PIEZO2: variants seen among roughly 807,000 people sequenced by gnomAD.
PIEZO2 encodes the protein piezo type mechanosensitive ion channel component 2, also known as piezo-type mechanosensitive ion channel component 2.
PIEZO2 carries 172 observed loss-of-function variants against 337.3 expected under a neutral mutation model. The ratio of observed to expected loss-of-function variants is 0.51; its 90% CI spans 0.45 to 0.58. The LOEUF (loss-of-function observed/expected upper bound fraction) is 0.58. PIEZO2 is among the 20% of genes least tolerant of loss of function. The pLI is 0.00. For missense variants in PIEZO2, 3,028 were observed against 3,391.3 expected (o/e 0.89, Z 2.66); for synonymous variants, 1,251 against 1,228.5 (o/e 1.02, Z -0.38).
chr18:10,773,289 C>T lies in PIEZO2; in HGVS notation c.2785+123G>A, dbSNP rs2038666870. The stretch of plus-strand genomic sequence containing the variant: ...TATAACTATAGCAATCAAACAAAAA[C>T]CACTCCAATTTTTATGTCATGGACT... On this transcript the variant is annotated intron_variant, in intron 20 of 55. Coordinates refer to ENST00000674853, the MANE Select transcript of PIEZO2 (RefSeq NM_001378183.1). This position sits in a 1 kb window ranked among gnomAD's most constrained non-coding sequence, Gnocchi z 5.3. The T allele has an allele frequency of 1.0e-6, 1 of 997,680 alleles. No homozygotes were observed. The highest frequency in any genetic ancestry group is 1.5e-6 in the Non-Finnish European group (1 of 686,800). The allele number at this position is 997,680 out of a possible 1,614,324, so 61.8% of individuals were successfully genotyped here.
intron 7 of PIEZO2, among the ~76,000 whole-genome samples, chr18:10,810,698 CT>C (rs2040160945): frequency 6.6e-6 from 1 of 152,182 alleles, no homozygotes; most frequent in African/African-American, 2.4e-5. Flanking sequence ...TACCAGGAGG[CT>C]TTTCAGTAGC....
intron 2 of PIEZO2, among the ~76,000 whole-genome samples, chr18:11,014,755 A>G (rs12454371): frequency 0.35 from 42,211 of 120,486 alleles, 6,852 homozygotes; most frequent in Non-Finnish European, 0.38. Context: ...GTGGGACAGC[A>G]ATCCGGGGCC....
In PIEZO2 at chr18:10,804,014, TC is replaced by T. The variant is rs770514742; in HGVS notation, c.1081-21del. 7 of 1,537,080 alleles carry T rather than the reference TC, an allele frequency of 4.6e-6. No homozygotes were observed. In the South Asian group the frequency reaches 8.3e-5, roughly 18 times the overall value. ...CTGCACCTGAAACACAGAAACAGGATCAGTCTTGCTTCCTGAGGCAGTTCCC... is the reference window on the plus strand; with the variant it reads ...CTGCACCTGAAACACAGAAACAGGATAGTCTTGCTTCCTGAGGCAGTTCCC... On this transcript the variant is annotated intron_variant, in intron 8 of 55. Coordinates refer to ENST00000674853, the MANE Select transcript of PIEZO2 (RefSeq NM_001378183.1).
At chr18:10,947,977 T>C (rs544390486) in intron 3 of PIEZO2, among the ~76,000 whole-genome samples, 1 of 151,452 alleles carries the variant, frequency 6.6e-6, no homozygotes, top group Non-Finnish European at 1.5e-5. Context: ...AAAAATGAAA[T>C]TTAAAAGCAC....
In PIEZO2 at chr18:11,027,708, A is replaced by G. The variant is rs1223346793; in HGVS notation, c.160+38419T>C. Among the ~76,000 whole-genome samples the G allele has an allele frequency of 2.0e-5, 3 of 152,190 alleles. No homozygotes were observed. Among genetic ancestry groups the G allele is most frequent in the Admixed American group, 1.3e-4 (2 of 15,276 alleles). On this transcript the variant is annotated intron_variant, in intron 2 of 55. Coordinates refer to ENST00000674853, the MANE Select transcript of PIEZO2 (RefSeq NM_001378183.1). The surrounding 1 kb of genome is among the most constrained non-coding windows in gnomAD (Gnocchi z 4.2). ...TCTTTCACAATTATGTTGTACAAAT[A>G]AATGTAAAAATCATTAGCATTAACT...
Position 10,714,429 on chromosome 18 carries a change from T to A in PIEZO2, c.5423+335A>T, listed in dbSNP as rs921974374. On this transcript the variant is annotated intron_variant, in intron 39 of 55. Transcript: ENST00000674853. ...TGTAGAAGACACTGTGGATCGGCTATCTTGAAAGGCACTAAAGATGTCCCA... is the reference window on the plus strand; with the variant it reads ...TGTAGAAGACACTGTGGATCGGCTAACTTGAAAGGCACTAAAGATGTCCCA... Among the ~76,000 whole-genome samples, 2 of 152,164 alleles carry A rather than the reference T, an allele frequency of 1.3e-5. 1 individual carries two copies. Among genetic ancestry groups the A allele is most frequent in the South Asian group, 4.1e-4 (2 of 4,828 alleles).
intron 18 of PIEZO2, among the ~76,000 whole-genome samples, chr18:10,776,032 A>G (rs749218816): frequency 2.0e-4 from 31 of 152,274 alleles, no homozygotes; most frequent in African/African-American, 7.2e-5. Flanking sequence ...CTGTGTGCAT[A>G]AAACATAGAT....
At chr18:10,765,202 G>T (rs531859437) in intron 21 of PIEZO2, among the ~76,000 whole-genome samples, 1 of 152,200 alleles carries the variant, frequency 6.6e-6, no homozygotes, top group African/African-American at 2.4e-5. Context: ...GAGACCTGAC[G>T]AATAAACAGG....
intron 3 of PIEZO2, among the ~76,000 whole-genome samples, chr18:10,959,520 C>T (rs543691211): frequency 1.2e-4 from 19 of 152,264 alleles, no homozygotes; most frequent in African/African-American, 4.6e-4. Flanking sequence ...TTCAGCAAGA[C>T]ATAAAGAATC....
chr18:10,813,029 G>T lies in PIEZO2; in HGVS notation c.918-5755C>A, dbSNP rs139710153. On this transcript the variant is annotated intron_variant, in intron 7 of 55. Coordinates refer to ENST00000674853, the MANE Select transcript of PIEZO2 (RefSeq NM_001378183.1). This position sits in a 1 kb window ranked among gnomAD's most constrained non-coding sequence, Gnocchi z 4.2. ...GACGGAGTCTCACTCTGTCACCCGG[G>T]CTGGAGTGCATTGGGCCTCTGCTCA... Among the ~76,000 whole-genome samples the T allele has an allele frequency of 6.6e-6, 1 of 151,774 alleles. No individual in the cohort carries two copies. Among genetic ancestry groups the T allele is most frequent in the African/African-American group, 2.4e-5 (1 of 41,276 alleles).
intron 4 of PIEZO2, among the ~76,000 whole-genome samples, chr18:10,891,041 G>A (rs1045908660): frequency 6.6e-6 from 1 of 152,148 alleles, no homozygotes; most frequent in African/African-American, 2.4e-5. Flanking sequence ...AAAACAGAAA[G>A]TGCATTGCTG....
At chr18:10,868,161 C>A (rs900054151) in intron 5 of PIEZO2, among the ~76,000 whole-genome samples, 1 of 152,202 alleles carries the variant, frequency 6.6e-6, no homozygotes, top group Admixed American at 6.5e-5. Flanking sequence ...TAAAACAACA[C>A]CGCTTTTGAA....
At position 10,834,915 on chromosome 18, in the gene PIEZO2, A is replaced by G. The variant is rs543829218; in HGVS notation, c.917+20438T>C. ...TTTTGTTTTGTTTGTGTCCTCCAAA[A>G]TTCTTAGGTTGAAGCCAAACTCCCC... On this transcript the variant is annotated intron_variant, in intron 7 of 55. Transcript: ENST00000674853. This position sits in a 1 kb window ranked among gnomAD's most constrained non-coding sequence, Gnocchi z 4.5. Among the ~76,000 whole-genome samples the G allele has an allele frequency of 7.2e-5, 11 of 152,210 alleles. No individual in the cohort carries two copies. Among genetic ancestry groups the G allele is most frequent in the Non-Finnish European group, 1.6e-4 (11 of 68,030 alleles).
chr18:11,080,534 C>T lies in PIEZO2; in HGVS notation c.65-14312G>A, dbSNP rs138495417. Among the ~76,000 whole-genome samples, 102 of 152,332 alleles carry T rather than the reference C, an allele frequency of 6.7e-4. 1 individual carries two copies. Among genetic ancestry groups the T allele is most frequent in the Middle Eastern group, 3.4e-3 (1 of 292 alleles). Reference sequence around the variant, plus strand: ...AATGAATAAAGGAATAAAGGGGTTACCTTCCTTGGCCCTCAAAAACAGAGG... The same window carrying T: ...AATGAATAAAGGAATAAAGGGGTTATCTTCCTTGGCCCTCAAAAACAGAGG... On this transcript the variant is annotated intron_variant, in intron 1 of 55. Transcript: ENST00000674853. The surrounding 1 kb of genome is among the most constrained non-coding windows in gnomAD (Gnocchi z 5.4).
At position 10,861,626 on chromosome 18, in the gene PIEZO2, C is replaced by A. The variant is rs1178610616; in HGVS notation, c.493-4415G>T. On this transcript the variant is annotated intron_variant, in intron 5 of 55. Coordinates refer to ENST00000674853, the MANE Select transcript of PIEZO2 (RefSeq NM_001378183.1). The surrounding 1 kb of genome is among the most constrained non-coding windows in gnomAD (Gnocchi z 4.3). ...AAGGAGGCCAGGGACCTGGAAAGGG[C>A]AGATGCTGATCAAGGGGTACAAAAT... Among the ~76,000 whole-genome samples, 2 of 152,320 alleles carry A rather than the reference C, an allele frequency of 1.3e-5. No individual in the cohort carries two copies. The highest frequency in any genetic ancestry group is 3.9e-4 in the East Asian group (2 of 5,180).
chr18:11,087,746 G>A (rs191760600), intron 1 of PIEZO2, among the ~76,000 whole-genome samples: 2 of 152,198 alleles, frequency 1.3e-5, no homozygotes, highest in East Asian at 1.9e-4. Flanking sequence ...GTCTACCTCC[G>A]TAACGTTTTC....
intron 3 of PIEZO2, among the ~76,000 whole-genome samples, chr18:10,959,046 A>G (rs899796461): frequency 3.9e-5 from 6 of 152,206 alleles, no homozygotes; most frequent in Non-Finnish European, 8.8e-5. Context: ...ACTGTAGTGT[A>G]GAGGGAAGAC....
At chr18:11,138,159 T>C (rs2040542448) in intron 1 of PIEZO2, among the ~76,000 whole-genome samples, 1 of 152,236 alleles carries the variant, frequency 6.6e-6, no homozygotes. Context: ...TTTAGTCAAT[T>C]GGTAAATATT....
intron 3 of PIEZO2, among the ~76,000 whole-genome samples, chr18:10,913,878 T>C (rs1471246147): frequency 1.1e-4 from 17 of 152,256 alleles, no homozygotes; most frequent in Middle Eastern, 3.4e-3. Flanking sequence ...TTTTTTGCCA[T>C]TGATACTTTC....
Sources: allele counts gnomAD v4.1 joint callset (sites outside exome capture counted in the v4.1 genomes callset), GRCh38; gene constraint gnomAD v4.1.1; non-coding constraint Gnocchi (gnomAD v3.1); transcripts MANE v1.5; gene names NCBI Gene and HGNC (gene_info 2026-07-23, HGNC 2026-07-21).